TTLL11: variants seen among roughly 807,000 people sequenced by gnomAD.
TTLL11 encodes the protein tubulin tyrosine ligase like 11, also known as tubulin polyglutamylase TTLL11.
Under a neutral mutation model 51.7 loss-of-function variants are expected in TTLL11, and 42 were observed. The observed-to-expected ratio is 0.81, with a 90% confidence interval of 0.64 to 1.05. The LOEUF is 1.05. TTLL11 is among the 50% of genes least tolerant of loss of function. TTLL11 has a pLI of 0.00. For synonymous variants in TTLL11, 381 were observed against 383.5 expected (o/e 0.99, Z 0.08); for missense variants, 799 against 940.4 (o/e 0.85, Z 1.97).
At chr9:122,068,003 C>G (rs544944974) in intron 1 of TTLL11, among the ~76,000 whole-genome samples, 1 of 152,238 alleles carries the variant, frequency 6.6e-6, no homozygotes, top group African/African-American at 2.4e-5. Flanking sequence ...CACAAGTACA[C>G]AAAGACATAT....
intron 8 of TTLL11, among the ~76,000 whole-genome samples, chr9:121,854,882 C>G (rs1564274204): frequency 6.6e-6 from 1 of 152,218 alleles, no homozygotes; most frequent in Non-Finnish European, 1.5e-5. Flanking sequence ...ATTTAGAGTT[C>G]TGTGTCCTGC....
intron 3 of TTLL11, among the ~76,000 whole-genome samples, chr9:121,992,251 C>A (rs1339265051): frequency 6.6e-6 from 1 of 152,164 alleles, no homozygotes; most frequent in Non-Finnish European, 1.5e-5. Flanking sequence ...GCCACCAGAC[C>A]CTTCCGCCAC....
intron 6 of TTLL11, among the ~76,000 whole-genome samples, chr9:121,935,220 G>A (rs1841156505): frequency 6.6e-6 from 1 of 152,008 alleles, no homozygotes; most frequent in African/African-American, 2.4e-5. Context: ...GCCTCCCAAA[G>A]TGCTGGGATT....
At chr9:121,943,210 G>A (rs7024308) in intron 6 of TTLL11, among the ~76,000 whole-genome samples, 138,759 of 152,240 alleles carry the variant, frequency 0.91, 63,699 homozygotes, top group Non-Finnish European at 0.97. Flanking sequence ...AGTCAATTTA[G>A]GGATTCCCAA....
At chr9:121,957,759 T>C (rs1842063888) in intron 6 of TTLL11, among the ~76,000 whole-genome samples, 2 of 152,162 alleles carry the variant, frequency 1.3e-5, no homozygotes, top group African/African-American at 2.4e-5. Flanking sequence ...CAAATGGTGC[T>C]TCTGGGGCCT....
At chr9:122,018,042 T>C (rs1042893342) in intron 3 of TTLL11, among the ~76,000 whole-genome samples, 2 of 151,956 alleles carry the variant, frequency 1.3e-5, no homozygotes, top group African/African-American at 2.4e-5. Flanking sequence ...CACATGCCTA[T>C]ACTAATTGAA....
In TTLL11 at chr9:121,873,914, C is replaced by T. The variant is rs546251549; in HGVS notation, c.1482-3166G>A. Among the ~76,000 whole-genome samples the T allele has an allele frequency of 1.1e-3, 158 of 146,224 alleles. 1 individual carries two copies. Among genetic ancestry groups the T allele is most frequent in the African/African-American group, 3.9e-3 (152 of 39,082 alleles). On this transcript the variant is annotated intron_variant, in intron 6 of 8. Transcript: ENST00000321582. Reference sequence around the variant, plus strand: ...AGTGTAGTGGCGTGATCTTGGCTCACTGCCACTGCAACCTCTGCCTCCTGG... The same window carrying T: ...AGTGTAGTGGCGTGATCTTGGCTCATTGCCACTGCAACCTCTGCCTCCTGG...
In TTLL11 at chr9:121,997,458, G is replaced by C. The variant is rs371874548; in HGVS notation, c.694-7688C>G. Among the ~76,000 whole-genome samples the C allele has an allele frequency of 2.3e-4, 35 of 152,096 alleles. 1 individual carries two copies. The East Asian group carries it at 2.5e-3, about 11-fold the overall frequency. Reference sequence around the variant, plus strand: ...CTAAGCCCAGCTTGCTTGGCCTAAAGCCTAGCTTCCTAAGGACCCTGGGTG... The same window carrying C: ...CTAAGCCCAGCTTGCTTGGCCTAAACCCTAGCTTCCTAAGGACCCTGGGTG... On this transcript the variant is annotated intron_variant, in intron 3 of 8. Transcript: ENST00000321582.
intron 3 of TTLL11, among the ~76,000 whole-genome samples, chr9:121,990,494 G>A (rs1214555769): frequency 6.6e-6 from 1 of 152,200 alleles, no homozygotes; most frequent in Non-Finnish European, 1.5e-5. Context: ...TAACGCGGGG[G>A]CAGAATTGGG....
intron 6 of TTLL11, among the ~76,000 whole-genome samples, chr9:121,966,158 G>C (rs1261765262): frequency 6.6e-6 from 1 of 152,184 alleles, no homozygotes; most frequent in Non-Finnish European, 1.5e-5. Context: ...AGCAAACCTG[G>C]TTGTTAGGGT....
intron 6 of TTLL11, among the ~76,000 whole-genome samples, chr9:121,945,750 A>C (rs1295726547): frequency 6.6e-6 from 1 of 152,230 alleles, no homozygotes; most frequent in African/African-American, 2.4e-5. Flanking sequence ...GTCAATGTCC[A>C]TGTCCCTTAA....
chr9:122,049,597 G>A (rs772257543), intron 1 of TTLL11, among the ~76,000 whole-genome samples: 7 of 152,172 alleles, frequency 4.6e-5, no homozygotes, highest in African/African-American at 1.7e-4. Flanking sequence ...GGATGGACCC[G>A]AAATCTTTTC....
chr9:121,860,060 T>A (rs1837956951), intron 8 of TTLL11, among the ~76,000 whole-genome samples: 1 of 152,178 alleles, frequency 6.6e-6, no homozygotes, highest in African/African-American at 2.4e-5. Context: ...TCAGGAAATG[T>A]GTGTGAGGGG....
chr9:122,033,744 C>T (rs914813504), intron 2 of TTLL11, among the ~76,000 whole-genome samples: 12 of 152,158 alleles, frequency 7.9e-5, no homozygotes, highest in African/African-American at 1.7e-4. Flanking sequence ...AGCTTCAAGA[C>T]GTCAGTGCCC....
In TTLL11 at chr9:121,819,893, T is replaced by C. The variant is rs1441723479; in HGVS notation, c.*2694A>G. On this transcript the variant is annotated 3_prime_UTR_variant, in exon 9 of 9. Coordinates refer to ENST00000321582, the MANE Select transcript of TTLL11 (RefSeq NM_001139442.2). Reference sequence around the variant, plus strand: ...TGGAGGAGGCGGGGTGATTCAGTTATCACTCATTCTGACAATGGAGCAGCC... The same window carrying C: ...TGGAGGAGGCGGGGTGATTCAGTTACCACTCATTCTGACAATGGAGCAGCC... Among the ~76,000 whole-genome samples, 1 of 152,222 alleles carries C rather than the reference T, an allele frequency of 6.6e-6. No individual in the cohort carries two copies. Among genetic ancestry groups the C allele is most frequent in the Non-Finnish European group, 1.5e-5 (1 of 68,030 alleles).
intron 1 of TTLL11, among the ~76,000 whole-genome samples, chr9:122,060,632 C>T (rs1845412260): frequency 6.6e-6 from 1 of 152,172 alleles, no homozygotes; most frequent in Non-Finnish European, 1.5e-5. Flanking sequence ...GGTTTGAATC[C>T]AAGTTTTGCC....
At chr9:122,054,052 T>C (rs74646245) in intron 1 of TTLL11, among the ~76,000 whole-genome samples, 5,628 of 152,286 alleles carry the variant, frequency 0.037, 159 homozygotes, top group South Asian at 0.059. Context: ...CTTTTCCTGT[T>C]CACTTCTTCT....
chr9:122,048,685 A>G (rs1845080891), intron 1 of TTLL11, among the ~76,000 whole-genome samples: 1 of 152,164 alleles, frequency 6.6e-6, no homozygotes, highest in South Asian at 2.1e-4. Context: ...TCCTTTAAGG[A>G]TACAGCACTT....
At chr9:121,968,813 G>A (rs895908829) in intron 6 of TTLL11, among the ~76,000 whole-genome samples, 1 of 151,704 alleles carries the variant, frequency 6.6e-6, no homozygotes, top group African/African-American at 2.4e-5. Context: ...CTGTTGAGTG[G>A]TAAACTCAGC....
Sources: allele counts gnomAD v4.1 joint callset (sites outside exome capture counted in the v4.1 genomes callset), GRCh38; gene constraint gnomAD v4.1.1; transcripts MANE v1.5; gene names NCBI Gene and HGNC (gene_info 2026-07-23, HGNC 2026-07-21).